TBC1D5: variants seen among roughly 807,000 people sequenced by gnomAD.
TBC1D5 encodes TBC1 domain family, member 5.
In TBC1D5, 75 loss-of-function variants were observed where a neutral mutation model predicts 100.3. The observed-to-expected ratio is 0.75, with a 90% CI of 0.62 to 0.91. The LOEUF (loss-of-function observed/expected upper bound fraction) is 0.91, where lower values mean the gene tolerates loss of function less well. Among genes scored for constraint, TBC1D5 ranks in the 40% least tolerant of loss-of-function variants. The pLI is 0.00. For missense variants in TBC1D5, 910 were observed against 942.4 expected (o/e 0.97, Z 0.45); for synonymous variants, 323 against 325.6 (o/e 0.99, Z 0.09).
intron 3 of TBC1D5, among the ~76,000 whole-genome samples, chr3:17,452,455 T>A (rs950390780): frequency 3.3e-5 from 5 of 152,082 alleles, no homozygotes; most frequent in Non-Finnish European, 7.4e-5. Context: ...CCTATAAGGA[T>A]ACATAGAGAC....
chr3:17,481,824 T>C (rs1280930366), intron 3 of TBC1D5, among the ~76,000 whole-genome samples: 1 of 152,200 alleles, frequency 6.6e-6, no homozygotes. Flanking sequence ...CACTGCAACC[T>C]CCACCTCCCA....
At chr3:17,251,043 G>C (rs1252047574) in intron 16 of TBC1D5, among the ~76,000 whole-genome samples, 1 of 152,158 alleles carries the variant, frequency 6.6e-6, no homozygotes, top group African/African-American at 2.4e-5. Context: ...TAATGAGCAA[G>C]CACTGGTAAA....
intron 3 of TBC1D5, among the ~76,000 whole-genome samples, chr3:17,494,895 G>T (rs1283490802): frequency 6.6e-6 from 1 of 152,222 alleles, no homozygotes; most frequent in Non-Finnish European, 1.5e-5. Flanking sequence ...CCAAGACTCT[G>T]GTGGCATGGG....
chr3:17,238,410 G>A (rs2076049322), exon 17 of TBC1D5: 2 of 1,611,604 alleles, frequency 1.2e-6, no homozygotes, highest in Non-Finnish European at 1.7e-6. Flanking sequence ...GAGCACCTTT[G>A]GCATTGGTCC....
intron 1 of TBC1D5, among the ~76,000 whole-genome samples, chr3:17,699,216 A>G (rs2153864271): frequency 8.0e-6 from 1 of 124,654 alleles, no homozygotes; most frequent in Middle Eastern, 3.8e-3. Flanking sequence ...TGCAGCCATA[A>G]AAAATGATGA....
intron 2 of TBC1D5, among the ~76,000 whole-genome samples, chr3:17,547,951 A>C (rs1244696738): frequency 6.6e-6 from 1 of 152,166 alleles, no homozygotes; most frequent in Non-Finnish European, 1.5e-5. Context: ...AATGATTAAA[A>C]TGTAAGTTGG....
chr3:17,344,940 G>A (rs536498185), intron 13 of TBC1D5, among the ~76,000 whole-genome samples: 31 of 152,164 alleles, frequency 2.0e-4, no homozygotes, highest in Non-Finnish European at 2.4e-4. Context: ...AGACTTAAAC[G>A]TTAGACCTAA....
chr3:17,554,858 CT>C (rs977663772), intron 2 of TBC1D5, among the ~76,000 whole-genome samples: 6 of 135,840 alleles, frequency 4.4e-5, no homozygotes, highest in African/African-American at 1.3e-4. Context: ...TTTTTTTTTT[CT>C]TTTTTTTTGG....
chr3:17,607,334 A>G (rs1466005328), intron 2 of TBC1D5, among the ~76,000 whole-genome samples: 2 of 152,210 alleles, frequency 1.3e-5, no homozygotes, highest in African/African-American at 4.8e-5. Context: ...AATCCTTTTT[A>G]GAGCTTTATA....
In TBC1D5 at chr3:17,214,473, G is replaced by C. The variant is rs112572388; in HGVS notation, c.1589-103C>G. The stretch of plus-strand genomic sequence containing the variant: ...TGATGATCAATTATGATGCCACTAG[G>C]TTGATACTATCAACATAATGACACT... On this transcript the variant is annotated intron_variant, in intron 17 of 21. Transcript: ENST00000253692. 738 of 1,187,324 alleles carry C rather than the reference G, an allele frequency of 6.2e-4. 4 individuals carry two copies. In the African/African-American group the frequency reaches 0.01, roughly 16 times the overall value. The allele number at this position is 1,187,324 out of a possible 1,614,324, so 73.5% of individuals were successfully genotyped here.
At chr3:17,289,640 A>T (rs2081523396) in intron 15 of TBC1D5, among the ~76,000 whole-genome samples, 1 of 152,114 alleles carries the variant, frequency 6.6e-6, no homozygotes, top group African/African-American at 2.4e-5. Context: ...CTCAAAAAAA[A>T]AAAAAAAGTC....
chr3:17,645,358 G>A (rs1437417267), intron 1 of TBC1D5, among the ~76,000 whole-genome samples: 4 of 152,154 alleles, frequency 2.6e-5, no homozygotes, highest in South Asian at 2.1e-4. Flanking sequence ...CTGGGAACAC[G>A]GAATTTGTTA....
At chr3:17,459,497 C>G (rs530090600) in intron 3 of TBC1D5, among the ~76,000 whole-genome samples, 73 of 152,250 alleles carry the variant, frequency 4.8e-4, no homozygotes, top group African/African-American at 1.7e-3. Flanking sequence ...TTGAGGACCT[C>G]TGTTATAGAG....
intron 14 of TBC1D5, among the ~76,000 whole-genome samples, chr3:17,303,374 G>A (rs140614317): frequency 6.6e-6 from 1 of 152,294 alleles, no homozygotes; most frequent in Admixed American, 6.5e-5. Context: ...TGGTTGAATG[G>A]TTGACTCTGA....
intron 2 of TBC1D5, among the ~76,000 whole-genome samples, chr3:17,610,128 CTT>C: frequency 6.6e-6 from 1 of 152,292 alleles, no homozygotes; most frequent in African/African-American, 2.4e-5. Flanking sequence ...TTGAATATCT[CTT>C]GACTAAGCTG....
intron 3 of TBC1D5, among the ~76,000 whole-genome samples, chr3:17,486,154 C>T (rs1368954801): frequency 2.6e-5 from 4 of 152,186 alleles, no homozygotes; most frequent in South Asian, 4.2e-4. Flanking sequence ...TGAGAAGTGT[C>T]GGTTCATATC....
intron 2 of TBC1D5, among the ~76,000 whole-genome samples, chr3:17,517,444 T>C (rs1329395814): frequency 1.3e-5 from 2 of 152,174 alleles, no homozygotes; most frequent in African/African-American, 2.4e-5. Context: ...TGTTACACAA[T>C]ATGCAAGCTT....
At chr3:17,192,406 T>A (rs2125653117) in intron 18 of TBC1D5, among the ~76,000 whole-genome samples, 1 of 152,178 alleles carries the variant, frequency 6.6e-6, no homozygotes, top group East Asian at 1.9e-4. Context: ...TTGTCCCATG[T>A]GCAAACCTGG....
At chr3:17,409,614 CA>C (rs755883873) in intron 4 of TBC1D5, among the ~76,000 whole-genome samples, 10 of 152,124 alleles carry the variant, frequency 6.6e-5, no homozygotes, top group Non-Finnish European at 1.2e-4. Flanking sequence ...TGAAGGAACT[CA>C]AAAGTGCTAC....
Sources: allele counts gnomAD v4.1 joint callset (sites outside exome capture counted in the v4.1 genomes callset), GRCh38; gene constraint gnomAD v4.1.1; transcripts MANE v1.5; gene names NCBI Gene and HGNC (gene_info 2026-07-23, HGNC 2026-07-21).